GRIK1: variants seen among roughly 807,000 people sequenced by gnomAD.
The protein encoded by GRIK1 is glutamate receptor ionotropic, kainate 1.
A neutral mutation model predicts 105.7 loss-of-function variants in GRIK1; 69 were observed. That is an observed-to-expected ratio of 0.65 (90% confidence interval 0.54 to 0.80). The LOEUF (loss-of-function observed/expected upper bound fraction) is 0.80, where lower values mean the gene tolerates loss of function less well. GRIK1 is among the 30% of genes least tolerant of loss of function. GRIK1 has a pLI of 0.00. For missense variants in GRIK1, 1,109 were observed against 1,167.3 expected (o/e 0.95, Z 0.73); for synonymous variants, 438 against 431.3 (o/e 1.02, Z -0.19).
At chr21:29,754,752 G>A (rs1434117878) in intron 1 of GRIK1, among the ~76,000 whole-genome samples, 1 of 152,172 alleles carries the variant, frequency 6.6e-6, no homozygotes, top group Non-Finnish European at 1.5e-5. Context: ...ATCTGGGTGG[G>A]CCTGATTCAA....
Position 29,642,979 on chromosome 21 carries a change from A to G in GRIK1, c.955-10T>C. 3 of 1,611,196 alleles carry G rather than the reference A, an allele frequency of 1.9e-6. No homozygotes were observed. The highest frequency in any genetic ancestry group is 2.5e-6 in the Non-Finnish European group (3 of 1,178,168). Reference sequence around the variant, plus strand: ...TCAGAGCCGCTTCAGTCTGTGGAGGAAAACACACACCGCATCTTAAATTCC... The same window carrying G: ...TCAGAGCCGCTTCAGTCTGTGGAGGGAAACACACACCGCATCTTAAATTCC... On this transcript the variant is annotated splice_polypyrimidine_tract_variant and intron_variant, in intron 6 of 17. Coordinates refer to ENST00000327783, the MANE Select transcript of GRIK1 (RefSeq NM_001330994.2).
At chr21:29,571,293 G>A (rs572295361) in intron 14 of GRIK1, among the ~76,000 whole-genome samples, 3 of 151,880 alleles carry the variant, frequency 2.0e-5, no homozygotes, top group Admixed American at 6.6e-5. Context: ...GGAGGCAGAG[G>A]TTGCAGTGAG....
intron 1 of GRIK1, among the ~76,000 whole-genome samples, chr21:29,842,558 C>T (rs2068011315): frequency 6.6e-6 from 1 of 152,158 alleles, no homozygotes; most frequent in African/African-American, 2.4e-5. Context: ...TTTGGCAGAG[C>T]AGTATGTTCT....
chr21:29,640,176 A>G (rs1479065841), intron 7 of GRIK1, among the ~76,000 whole-genome samples: 1 of 150,864 alleles, frequency 6.6e-6, no homozygotes, highest in African/African-American at 2.4e-5. Flanking sequence ...AAAAAAAAGA[A>G]GCAGCGGGGG....
intron 1 of GRIK1, among the ~76,000 whole-genome samples, chr21:29,776,741 A>G (rs1460339980): frequency 6.6e-6 from 1 of 152,228 alleles, no homozygotes; most frequent in African/African-American, 2.4e-5. Flanking sequence ...TGGACTTTTC[A>G]ATGAAAACCT....
At chr21:29,820,273 C>T (rs965335737) in intron 1 of GRIK1, among the ~76,000 whole-genome samples, 4 of 152,052 alleles carry the variant, frequency 2.6e-5, no homozygotes, top group African/African-American at 9.7e-5. Flanking sequence ...TCACCCTCAT[C>T]ATTTCTCTGT....
intron 1 of GRIK1, among the ~76,000 whole-genome samples, chr21:29,765,891 A>C (rs562818252): frequency 2.0e-5 from 3 of 150,266 alleles, no homozygotes; most frequent in Non-Finnish European, 4.4e-5. Flanking sequence ...TCGCTCTGTC[A>C]CCCAGGCTGG....
intron 5 of GRIK1, among the ~76,000 whole-genome samples, chr21:29,653,621 G>A (rs189166489): frequency 9.2e-5 from 14 of 152,304 alleles, no homozygotes; most frequent in Non-Finnish European, 1.8e-4. Context: ...GGTGTTCTTC[G>A]TGATGGGAAG....
chr21:29,842,178 C>T (rs2068001466), intron 1 of GRIK1, among the ~76,000 whole-genome samples: 1 of 151,926 alleles, frequency 6.6e-6, no homozygotes, highest in Non-Finnish European at 1.5e-5. Context: ...TTATTCTTTG[C>T]TTTTTAAAGT....
chr21:29,588,100 G>A (rs2091173894), intron 11 of GRIK1, among the ~76,000 whole-genome samples: 2 of 147,174 alleles, frequency 1.4e-5, no homozygotes, highest in Non-Finnish European at 1.5e-5. Context: ...TCAGCCTACC[G>A]AGTAGCTGGG....
At chr21:29,833,547 G>C (rs1048467301) in intron 1 of GRIK1, among the ~76,000 whole-genome samples, 1 of 152,158 alleles carries the variant, frequency 6.6e-6, no homozygotes, top group South Asian at 2.1e-4. Context: ...AGGGGAAGCA[G>C]CTCATCTTAC....
intron 7 of GRIK1, among the ~76,000 whole-genome samples, chr21:29,610,427 C>G (rs932000281): frequency 6.6e-6 from 1 of 151,870 alleles, no homozygotes; most frequent in Non-Finnish European, 1.5e-5. Context: ...CAGGAAGGGT[C>G]AGAGAGACAG....
intron 1 of GRIK1, among the ~76,000 whole-genome samples, chr21:29,789,422 G>A (rs534805231): frequency 6.6e-6 from 1 of 152,314 alleles, no homozygotes; most frequent in African/African-American, 2.4e-5. Flanking sequence ...AAGTATTGGA[G>A]TCATAATAAT....
intron 7 of GRIK1, among the ~76,000 whole-genome samples, chr21:29,625,528 A>G (rs925426181): frequency 1.3e-5 from 2 of 152,104 alleles, no homozygotes; most frequent in Admixed American, 6.6e-5. Context: ...TCTCCAATTC[A>G]TCCTCCAAAG....
intron 1 of GRIK1, among the ~76,000 whole-genome samples, chr21:29,725,631 G>A (rs1419547844): frequency 6.6e-6 from 1 of 152,136 alleles, no homozygotes; most frequent in African/African-American, 2.4e-5. Context: ...TAGCTTCATT[G>A]TCGGAAACTT....
At chr21:29,891,844 G>C (rs1169974965) in intron 1 of GRIK1, among the ~76,000 whole-genome samples, 1 of 152,106 alleles carries the variant, frequency 6.6e-6, no homozygotes, top group Non-Finnish European at 1.5e-5. Context: ...AACATCTAAA[G>C]TTAAATGAGG....
chr21:29,755,876 G>T (rs2065324351), intron 1 of GRIK1, among the ~76,000 whole-genome samples: 3 of 152,180 alleles, frequency 2.0e-5, no homozygotes, highest in African/African-American at 7.2e-5. Flanking sequence ...TGAGTAAAAA[G>T]GTTCGGATAA....
chr21:29,728,191 A>G (rs1346461290), intron 1 of GRIK1, among the ~76,000 whole-genome samples: 1 of 152,216 alleles, frequency 6.6e-6, no homozygotes, highest in Non-Finnish European at 1.5e-5. Context: ...AACCTTGCCA[A>G]GCAGCACTGA....
In GRIK1 at chr21:29,806,644, C is replaced by T. The variant is rs564790236; in HGVS notation, c.119-112581G>A. On this transcript the variant is annotated intron_variant, in intron 1 of 17. Transcript: ENST00000327783. ...AAGACATTTGTTTAGGCAACCATCC[C>T]ATAGCCCTCTATTAAGTTATTGTAG... Among the ~76,000 whole-genome samples the T allele has an allele frequency of 3.3e-5, 5 of 152,182 alleles. No individual in the cohort carries two copies. In the South Asian group the frequency reaches 8.3e-4, roughly 25 times the overall value.
Sources: gnomAD v4.1 joint callset for allele counts (sites outside exome capture counted in the v4.1 genomes callset) on GRCh38, gnomAD v4.1.1 for gene constraint, MANE v1.5 for transcripts, NCBI Gene and HGNC (gene_info 2026-07-23, HGNC 2026-07-21) for gene names.